Variants in CCDC178 observed in about 807,000 individuals in gnomAD.
The protein encoded by CCDC178 is coiled-coil domain-containing protein 178.
A neutral mutation model predicts 117.4 loss-of-function variants in CCDC178; 126 were observed. That is an observed-to-expected ratio of 1.07 (90% CI 0.93 to 1.24). The LOEUF (loss-of-function observed/expected upper bound fraction) is 1.24. Ranked by LOEUF, CCDC178 falls within the 50% of genes most tolerant of loss-of-function variation. The pLI is 0.00. For missense variants in CCDC178, 1,030 were observed against 986.9 expected, an observed-to-expected ratio of 1.04 and a Z score of -0.59; for synonymous variants, 283 against 313.4, an observed-to-expected ratio of 0.90 and a Z score of 1.02.
chr18:33,232,102 A>T lies in CCDC178; in HGVS notation c.1594-5247T>A, dbSNP rs79935804. 8.0e-4 allele frequency among the ~76,000 whole-genome samples: 122 copies of T among 152,302 alleles called. 1 individual carries two copies. Among genetic ancestry groups the T allele is most frequent in the Middle Eastern group, 3.4e-3 (1 of 294 alleles). ...AAGAGATCAAAGGATCACTTTGAAG[A>T]GCTTGGAAGAAGCCTGGAGCAAAGG... On this transcript the variant is annotated intron_variant, in intron 15 of 22. Transcript: ENST00000383096.
At chr18:33,380,342 T>A (rs1234787271) in intron 5 of CCDC178, among the ~76,000 whole-genome samples, 8 of 152,182 alleles carry the variant, frequency 5.3e-5, no homozygotes, top group Non-Finnish European at 8.8e-5. Context: ...GTACTCTAAT[T>A]TCTGGTCTGA....
At chr18:33,386,825 C>G (rs1296241448) in intron 5 of CCDC178, among the ~76,000 whole-genome samples, 3 of 152,110 alleles carry the variant, frequency 2.0e-5, no homozygotes, top group Non-Finnish European at 2.9e-5. Context: ...GATGCCCTCA[C>G]TCACCACTCT....
At position 33,346,244 on chromosome 18, in the gene CCDC178, T is replaced by G. The variant is rs774546507; in HGVS notation, c.625A>C (p.Lys209Gln). The change falls in exon 9 of 23, where the codon AAA becomes CAA. Residue 209 changes from lysine to glutamine, a missense_variant. Lys to Gln is a moderately conservative substitution (Grantham distance 53). Transcript: ENST00000383096. ...NMKIDSWSVW[K>Q]LQELPLAVQK... is the part of the protein sequence containing the mutation. ...ACAGCCAATGGGAGTTCTTGAAGTT[T>G]CCAGACTGACCAAGAGTCAATTTTC... 1.9e-6 allele frequency: 3 copies of G among 1,613,986 alleles called. No individual in the cohort carries two copies. The highest frequency in any genetic ancestry group is 2.5e-6 in the Non-Finnish European group (3 of 1,179,884).
chr18:33,224,887 A>T lies in CCDC178; in HGVS notation c.1706T>A (p.Leu569His), dbSNP rs1332576226. The change falls in exon 17 of 23, where the codon CTT (leucine) becomes CAT (histidine). Residue 569 changes from leucine to histidine, a missense_variant. Coordinates refer to ENST00000383096, the MANE Select transcript of CCDC178 (RefSeq NM_001105528.4). ...YEVQALERKE[L>H]IKNRAICAMS... ...GGCACATATTGCTCTATTTTTTATA[A>T]GCTCTTTCCGCTCAAGTGCCTGGAC... 1.3e-6 allele frequency: 2 copies of T among 1,563,838 alleles called. No individual in the cohort carries two copies. The highest frequency in any genetic ancestry group is 1.7e-6 in the Non-Finnish European group (2 of 1,153,870).
intron 20 of CCDC178, among the ~76,000 whole-genome samples, chr18:33,095,490 C>A (rs979423238): frequency 6.6e-6 from 1 of 151,900 alleles, no homozygotes; most frequent in Non-Finnish European, 1.5e-5. Context: ...AAGGACTGAA[C>A]AAAATCTAGA....
chr18:33,145,822 G>T (rs946592456), intron 20 of CCDC178, among the ~76,000 whole-genome samples: 11 of 152,306 alleles, frequency 7.2e-5, no homozygotes, highest in African/African-American at 2.6e-4. Flanking sequence ...TTGTTACTTT[G>T]TGAAAGTGAA....
chr18:33,326,699 C>G (rs1022570469), intron 10 of CCDC178, among the ~76,000 whole-genome samples: 26 of 151,070 alleles, frequency 1.7e-4, no homozygotes, highest in African/African-American at 6.3e-4. Flanking sequence ...GTGTTTTGGG[C>G]TTCTAGTCAC....
chr18:33,142,715 A>AT (rs1237225572), intron 20 of CCDC178, among the ~76,000 whole-genome samples: 1 of 152,190 alleles, frequency 6.6e-6, no homozygotes, highest in East Asian at 1.9e-4. Flanking sequence ...GATATTAAAC[A>AT]TTTTTATGAA....
chr18:33,210,016 G>T (rs1004792545), intron 20 of CCDC178, among the ~76,000 whole-genome samples: 1 of 152,024 alleles, frequency 6.6e-6, no homozygotes, highest in Non-Finnish European at 1.5e-5. Flanking sequence ...GGAGTATCAG[G>T]CTGGTGGAGT....
At chr18:33,035,380 T>C (rs942153054) in intron 21 of CCDC178, among the ~76,000 whole-genome samples, 1 of 151,846 alleles carries the variant, frequency 6.6e-6, no homozygotes, top group African/African-American at 2.4e-5. Context: ...GAAAAATGAA[T>C]GGATAAAGAA....
At chr18:33,349,232 T>A (rs959577849) in intron 7 of CCDC178, among the ~76,000 whole-genome samples, 7 of 152,006 alleles carry the variant, frequency 4.6e-5, no homozygotes, top group Admixed American at 3.9e-4. Context: ...TACATTTTTT[T>A]AAAGAAATTG....
intron 19 of CCDC178, among the ~76,000 whole-genome samples, chr18:33,213,345 G>A (rs1421713410): frequency 6.6e-6 from 1 of 151,912 alleles, no homozygotes; most frequent in Non-Finnish European, 1.5e-5. Flanking sequence ...TTCTTCTACA[G>A]GAAATAAGGT....
intron 7 of CCDC178, among the ~76,000 whole-genome samples, chr18:33,354,102 G>A (rs2063018196): frequency 6.6e-6 from 1 of 151,922 alleles, no homozygotes; most frequent in Non-Finnish European, 1.5e-5. Context: ...ATTTAAATAT[G>A]TCACCCCACT....
At chr18:33,383,024 G>A (rs545432634) in intron 5 of CCDC178, among the ~76,000 whole-genome samples, 1 of 152,246 alleles carries the variant, frequency 6.6e-6, no homozygotes, top group Admixed American at 6.5e-5. Flanking sequence ...AGGGATGACT[G>A]CCATTTCTGT....
chr18:33,199,842 C>T (rs141719829), intron 20 of CCDC178, among the ~76,000 whole-genome samples: 1,570 of 152,302 alleles, frequency 0.01, 11 homozygotes, highest in Middle Eastern at 0.02. Flanking sequence ...CAACTGGGCA[C>T]TGTACTCAGC....
intron 12 of CCDC178, among the ~76,000 whole-genome samples, chr18:33,285,930 A>G (rs1200031913): frequency 6.6e-6 from 1 of 152,038 alleles, no homozygotes; most frequent in African/African-American, 2.4e-5. Flanking sequence ...AAATACACAC[A>G]TAAAAAGTGT....
rs564583352 is a variant in CCDC178, at chr18:33,014,588, T to G, written c.2389-39907A>C. Among the ~76,000 whole-genome samples the G allele has an allele frequency of 5.9e-3, 896 of 152,322 alleles. 7 individuals are homozygous for G. The highest frequency in any genetic ancestry group is 0.021 in the African/African-American group (862 of 41,568). ...TGCTGTTTTTTCTAGAGGACCTGTA[T>G]AAGCAGGAAGTAAAGGAAAAGACAT... is the stretch of plus-strand genomic sequence containing the variant. On this transcript the variant is annotated intron_variant, in intron 21 of 22. Transcript: ENST00000383096.
At chr18:33,158,345 A>G (rs892648498) in intron 20 of CCDC178, among the ~76,000 whole-genome samples, 1 of 152,158 alleles carries the variant, frequency 6.6e-6, no homozygotes, top group African/African-American at 2.4e-5. Context: ...GTCTACCTTC[A>G]ATCTACAGTT....
intron 6 of CCDC178, among the ~76,000 whole-genome samples, chr18:33,364,059 C>T (rs546616952): frequency 1.1e-4 from 16 of 152,162 alleles, no homozygotes; most frequent in Admixed American, 2.6e-4. Context: ...TCTTGAAATA[C>T]GCTCTAACAG....
Sources: gnomAD v4.1 joint callset for allele counts (sites outside exome capture counted in the v4.1 genomes callset) on GRCh38, gnomAD v4.1.1 for gene constraint, MANE v1.5 for transcripts, NCBI Gene and HGNC (gene_info 2026-07-23, HGNC 2026-07-21) for gene names.